The following HS3ST3B1 variants were observed in gnomAD, a reference collection of about 807,000 sequenced individuals.
The protein encoded by HS3ST3B1 is heparan sulfate glucosamine 3-O-sulfotransferase 3B1.
In HS3ST3B1, 13 loss-of-function variants were observed where a neutral mutation model predicts 21.3. The ratio of observed to expected loss-of-function variants is 0.61; its 90% CI spans 0.40 to 0.97. The LOEUF is 0.97. Among genes scored for constraint, HS3ST3B1 ranks in the 50% least tolerant of loss-of-function variants. The pLI is 0.00. For missense variants in HS3ST3B1, 459 were observed against 554.8 expected, an observed-to-expected ratio of 0.83 and a Z score of 1.73; for synonymous variants, 234 against 254.8, an observed-to-expected ratio of 0.92 and a Z score of 0.78.
rs1909019633 is a variant in HS3ST3B1 at position 14,303,626 on chromosome 17, G to A, written c.554+1554G>A. 6.6e-6 allele frequency among the ~76,000 whole-genome samples: 1 copy of A among 152,208 alleles called. No homozygotes were observed. The highest frequency in any genetic ancestry group is 1.5e-5 in the Non-Finnish European group (1 of 68,048). On this transcript the variant is annotated intron_variant, in intron 1 of 1. Coordinates refer to ENST00000360954, the MANE Select transcript of HS3ST3B1 (RefSeq NM_006041.3). This position sits in a 1 kb window ranked among gnomAD's most constrained non-coding sequence, Gnocchi z 5.7. ...TCATCTGTGCAGTGGGAATAATGCA[G>A]GTTCTGGGCAGGGATGGGAAGAGTG...
At chr17:14,326,112 G>T (rs993013236) in intron 1 of HS3ST3B1, among the ~76,000 whole-genome samples, 1 of 152,158 alleles carries the variant, frequency 6.6e-6, no homozygotes, top group African/African-American at 2.4e-5. Flanking sequence ...AAGGAACAAG[G>T]AGTGTATAGA....
chr17:14,335,992 C>T (rs953062727), intron 1 of HS3ST3B1, among the ~76,000 whole-genome samples: 5 of 152,104 alleles, frequency 3.3e-5, no homozygotes, highest in African/African-American at 7.2e-5. Flanking sequence ...GTTTAAAAAA[C>T]GAGAAAGAGT....
chr17:14,323,858 C>G (rs1909729316), intron 1 of HS3ST3B1, among the ~76,000 whole-genome samples: 1 of 152,202 alleles, frequency 6.6e-6, no homozygotes, highest in Non-Finnish European at 1.5e-5. Flanking sequence ...CTCTTGTTCT[C>G]TCCTTCAGGT....
chr17:14,317,116 A>G (rs184796636), intron 1 of HS3ST3B1, among the ~76,000 whole-genome samples: 8 of 152,352 alleles, frequency 5.3e-5, no homozygotes, highest in Non-Finnish European at 1.0e-4. Flanking sequence ...CCTCTATTGC[A>G]TGTACTCGAC....
chr17:14,303,977 C>T lies in HS3ST3B1; in HGVS notation c.554+1905C>T, dbSNP rs1002316332. 1 of 152,280 alleles carries T rather than the reference C, an allele frequency of 6.6e-6. No homozygotes were observed. Among genetic ancestry groups the T allele is most frequent in the African/African-American group, 2.4e-5 (1 of 41,476 alleles). 9.4% of individuals were successfully genotyped at this position (152,280 alleles called of 1,614,324 possible). On this transcript the variant is annotated intron_variant, in intron 1 of 1. Transcript: ENST00000360954. This position sits in a 1 kb window ranked among gnomAD's most constrained non-coding sequence, Gnocchi z 5.7. ...GGAAATCCCCACAGGAAGGCTCACG[C>T]AGTCTCTTAGGCGGCTGCCCTCCAC...
intron 1 of HS3ST3B1, among the ~76,000 whole-genome samples, chr17:14,322,898 C>CTTTTTTT (rs34065582): frequency 2.1e-5 from 2 of 94,588 alleles, no homozygotes; most frequent in African/African-American, 3.7e-5. Flanking sequence ...GTGTCTATGT[C>CTTTTTTT]TTTTTTTTTT....
intron 1 of HS3ST3B1, among the ~76,000 whole-genome samples, chr17:14,330,330 TATA>T (rs1283454013): frequency 6.6e-6 from 1 of 152,094 alleles, no homozygotes; most frequent in African/African-American, 2.4e-5. Flanking sequence ...AAAGGGTGGT[TATA>T]ATAACTTTAG....
At chr17:14,330,901 T>C (rs1037717219) in intron 1 of HS3ST3B1, among the ~76,000 whole-genome samples, 2 of 152,054 alleles carry the variant, frequency 1.3e-5, no homozygotes, top group African/African-American at 4.8e-5. Flanking sequence ...AAGCTAGGAC[T>C]CATCAGAGAC....
chr17:14,322,404 T>C (rs939586136), intron 1 of HS3ST3B1, among the ~76,000 whole-genome samples: 5 of 152,138 alleles, frequency 3.3e-5, no homozygotes, highest in African/African-American at 4.8e-5. Flanking sequence ...GTCTAGTCCT[T>C]TGTGGCAGGT....
At chr17:14,308,449 C>G (rs560929371) in intron 1 of HS3ST3B1, among the ~76,000 whole-genome samples, 32 of 152,128 alleles carry the variant, frequency 2.1e-4, no homozygotes, top group Non-Finnish European at 4.6e-4. Flanking sequence ...GTTACTGGCT[C>G]ATTCAGAAAA....
chr17:14,334,202 GT>G (rs1385654364), intron 1 of HS3ST3B1, among the ~76,000 whole-genome samples: 3 of 152,016 alleles, frequency 2.0e-5, no homozygotes, highest in Non-Finnish European at 4.4e-5. Context: ...TAGTTGAAAA[GT>G]TTGGGGGAGC....
intron 1 of HS3ST3B1, among the ~76,000 whole-genome samples, chr17:14,330,887 C>T (rs944286265): frequency 2.0e-5 from 3 of 152,018 alleles, no homozygotes; most frequent in Non-Finnish European, 4.4e-5. Flanking sequence ...TGTTAGAGAC[C>T]GGGAAGCTAG....
At chr17:14,322,759 C>T (rs1464054909) in intron 1 of HS3ST3B1, among the ~76,000 whole-genome samples, 1 of 152,126 alleles carries the variant, frequency 6.6e-6, no homozygotes, top group African/African-American at 2.4e-5. Flanking sequence ...TCATGTCAAC[C>T]AGGCTTTTGA....
intron 1 of HS3ST3B1, among the ~76,000 whole-genome samples, chr17:14,332,792 A>G (rs1240769896): frequency 6.7e-6 from 1 of 148,964 alleles, no homozygotes; most frequent in Non-Finnish European, 1.5e-5. Context: ...GTCCCTGATA[A>G]CTGATGGGCA....
rs955329217 is a variant in HS3ST3B1, at chr17:14,348,399, T to G, written c.*2753T>G. 6.6e-6 allele frequency: 1 copy of G among 152,206 alleles called. No homozygotes were observed. The highest frequency in any genetic ancestry group is 6.5e-5 in the Admixed American group (1 of 15,268). The allele number at this position is 152,206 out of a possible 1,614,324, so 9.4% of individuals were successfully genotyped here. A position where few individuals can be genotyped will look rare whatever the true frequency, so the allele number is the denominator to read the frequency against. On this transcript the variant is annotated 3_prime_UTR_variant, in exon 2 of 2. Coordinates refer to ENST00000360954, the MANE Select transcript of HS3ST3B1 (RefSeq NM_006041.3). ...AGTTTTTCTATGTAAGACAAATAAATCAAACATCATGTGCATCTCCTCATA... is the reference window on the plus strand; with the variant it reads ...AGTTTTTCTATGTAAGACAAATAAAGCAAACATCATGTGCATCTCCTCATA...
At chr17:14,306,181 C>A (rs1597585614) in intron 1 of HS3ST3B1, among the ~76,000 whole-genome samples, 1 of 152,176 alleles carries the variant, frequency 6.6e-6, no homozygotes, top group Admixed American at 6.5e-5. Flanking sequence ...AGCCCCCAAG[C>A]AGGATAGTTA....
chr17:14,345,829 G>T lies in HS3ST3B1; in HGVS notation c.*183G>T. The T allele has an allele frequency of 2.6e-6, 2 of 765,332 alleles. No individual in the cohort carries two copies. Among genetic ancestry groups the T allele is most frequent in the Non-Finnish European group, 3.9e-6 (2 of 507,604 alleles). 47.4% of individuals were successfully genotyped at this position (765,332 alleles called of 1,614,324 possible). On this transcript the variant is annotated 3_prime_UTR_variant, in exon 2 of 2. Coordinates refer to ENST00000360954, the MANE Select transcript of HS3ST3B1 (RefSeq NM_006041.3). ...TCATAATCTGTTAACATTCCAAAGT[G>T]TTTAACTCTAGTATTTCGTTCTCTT...
intron 1 of HS3ST3B1, among the ~76,000 whole-genome samples, chr17:14,319,206 T>C (rs960215086): frequency 1.3e-5 from 2 of 152,188 alleles, no homozygotes; most frequent in African/African-American, 4.8e-5. Context: ...TCTCACACAT[T>C]CCCTCCGTAA....
Position 14,303,595 on chromosome 17 carries a change from G to C in HS3ST3B1, c.554+1523G>C, listed in dbSNP as rs1472859396. Among the ~76,000 whole-genome samples, 1 of 152,166 alleles carries C rather than the reference G, an allele frequency of 6.6e-6. No individual in the cohort carries two copies. The highest frequency in any genetic ancestry group is 1.5e-5 in the Non-Finnish European group (1 of 68,020). On this transcript the variant is annotated intron_variant, in intron 1 of 1. Transcript: ENST00000360954. This position sits in a 1 kb window ranked among gnomAD's most constrained non-coding sequence, Gnocchi z 5.7. Reference sequence around the variant, plus strand: ...GTCCTGGCTAGTCGCGTGAACCTTGGTGCTCTCATCTGTGCAGTGGGAATA... The same window carrying C: ...GTCCTGGCTAGTCGCGTGAACCTTGCTGCTCTCATCTGTGCAGTGGGAATA...
Sources: gnomAD v4.1 joint callset for allele counts (sites outside exome capture counted in the v4.1 genomes callset) on GRCh38, gnomAD v4.1.1 for gene constraint, Gnocchi (gnomAD v3.1) non-coding constraint, MANE v1.5 for transcripts, NCBI Gene and HGNC (gene_info 2026-07-23, HGNC 2026-07-21) for gene names.